SCFD2: variants seen among roughly 807,000 people sequenced by gnomAD.
The protein encoded by SCFD2 is sec1 family domain containing 2.
SCFD2 carries 54 observed loss-of-function variants against 58.9 expected under a neutral mutation model. The observed-to-expected ratio is 0.92, with a 90% CI of 0.74 to 1.15. The LOEUF is 1.15. Among genes scored for constraint, SCFD2 ranks in the 50% most tolerant of loss-of-function variants. The pLI is 0.00. For missense variants in SCFD2, 805 were observed against 836.6 expected (o/e 0.96, Z 0.47); for synonymous variants, 321 against 335.9 (o/e 0.96, Z 0.49).
At chr4:53,275,265 TTCTA>T (rs1462592641) in intron 3 of SCFD2, among the ~76,000 whole-genome samples, 2 of 152,148 alleles carry the variant, frequency 1.3e-5, no homozygotes, top group Non-Finnish European at 2.9e-5. Flanking sequence ...CAACATATCT[TTCTA>T]TCTTTTCATT....
chr4:52,960,649 G>A (rs893519529), intron 5 of SCFD2, among the ~76,000 whole-genome samples: 5 of 151,956 alleles, frequency 3.3e-5, no homozygotes, highest in Non-Finnish European at 5.9e-5. Flanking sequence ...GATTACAGGC[G>A]TGAGCCACCG....
chr4:53,295,620 A>C (rs749085698), intron 3 of SCFD2, among the ~76,000 whole-genome samples: 2 of 151,942 alleles, frequency 1.3e-5, no homozygotes, highest in Non-Finnish European at 2.9e-5. Flanking sequence ...CTAATTGAAC[A>C]CCTTTATTTC....
At chr4:53,189,155 A>C (rs1279531695) in intron 4 of SCFD2, among the ~76,000 whole-genome samples, 1 of 152,234 alleles carries the variant, frequency 6.6e-6, no homozygotes, top group Non-Finnish European at 1.5e-5. Flanking sequence ...TTCATGCTGA[A>C]AGAATGTAAG....
At chr4:53,292,329 T>C (rs899157390) in intron 3 of SCFD2, among the ~76,000 whole-genome samples, 2 of 152,094 alleles carry the variant, frequency 1.3e-5, no homozygotes, top group African/African-American at 4.8e-5. Context: ...ATACAGAGTC[T>C]ACAAGGATAT....
chr4:53,184,212 G>A (rs1577816361), intron 4 of SCFD2, among the ~76,000 whole-genome samples: 1 of 152,098 alleles, frequency 6.6e-6, no homozygotes, highest in South Asian at 2.1e-4. Flanking sequence ...CTTGGCACAT[G>A]GTTACCTAGG....
chr4:53,198,598 T>G (rs1409567212), intron 4 of SCFD2, among the ~76,000 whole-genome samples: 1 of 152,072 alleles, frequency 6.6e-6, no homozygotes, highest in Non-Finnish European at 1.5e-5. Flanking sequence ...CATTATACTC[T>G]CTCTACTTGT....
intron 4 of SCFD2, among the ~76,000 whole-genome samples, chr4:53,177,964 C>T (rs1382510523): frequency 6.6e-5 from 10 of 152,284 alleles, no homozygotes; most frequent in South Asian, 4.2e-4. Context: ...GAGGGGCGCC[C>T]GCCATTTTCG....
chr4:53,120,283 A>T (rs1190944355), intron 5 of SCFD2, among the ~76,000 whole-genome samples: 1 of 152,198 alleles, frequency 6.6e-6, no homozygotes, highest in African/African-American at 2.4e-5. Context: ...TGCTATCATT[A>T]CTACCACCAG....
intron 5 of SCFD2, among the ~76,000 whole-genome samples, chr4:53,131,618 A>G (rs1025871347): frequency 3.3e-5 from 5 of 152,236 alleles, no homozygotes; most frequent in African/African-American, 1.2e-4. Flanking sequence ...GAGATCTTAG[A>G]TTTGTCTAAA....
At chr4:53,361,785 T>C (rs1355177659) in intron 1 of SCFD2, among the ~76,000 whole-genome samples, 5 of 152,214 alleles carry the variant, frequency 3.3e-5, no homozygotes, top group African/African-American at 9.7e-5. Flanking sequence ...TGCCAAATCT[T>C]AGACTATTCA....
chr4:52,909,742 T>C (rs1560478059), intron 6 of SCFD2, among the ~76,000 whole-genome samples: 1 of 152,200 alleles, frequency 6.6e-6, no homozygotes, highest in Non-Finnish European at 1.5e-5. Flanking sequence ...CAAAATGTTA[T>C]TTAGGGTTAT....
At chr4:53,182,152 C>T (rs1357381837) in intron 4 of SCFD2, among the ~76,000 whole-genome samples, 1 of 152,188 alleles carries the variant, frequency 6.6e-6, no homozygotes, top group Non-Finnish European at 1.5e-5. Context: ...GAAAAAACTA[C>T]TTTAAAGTTC....
At chr4:53,246,546 G>A (rs752335699) in intron 4 of SCFD2, among the ~76,000 whole-genome samples, 3 of 152,018 alleles carry the variant, frequency 2.0e-5, no homozygotes, top group African/African-American at 4.8e-5. Context: ...AAGGCTGCAC[G>A]CCTGTGACCA....
intron 5 of SCFD2, among the ~76,000 whole-genome samples, chr4:52,947,704 G>C (rs73144941): frequency 0.015 from 2,293 of 151,228 alleles, 75 homozygotes; most frequent in African/African-American, 0.053. Context: ...AGCAAATGGT[G>C]TTCGCAAAAA....
In SCFD2 at chr4:52,885,765, C is replaced by T. The variant is rs2306600; in HGVS notation, c.1944G>A (p.Ser648=). The part of the protein sequence containing the change: ...EVKMVKDLVA[S]LKPGTQVIVL... Reference sequence around the variant, plus strand: ...TCAGTACCTGGGTTCCTGGCTTCAACGATGCCACAAGATCTTTGACCATTT... The same window carrying T: ...TCAGTACCTGGGTTCCTGGCTTCAATGATGCCACAAGATCTTTGACCATTT... Residue 648 remains serine, a synonymous_variant, in exon 8 of 9, where the codon TCG becomes TCA. Transcript: ENST00000401642. 178,610 of 1,613,560 alleles carry T rather than the reference C, an allele frequency of 0.11. 11,139 individuals are homozygous for T. The highest frequency in any genetic ancestry group is 0.28 in the East Asian group (12,469 of 44,842).
chr4:53,047,757 A>G (rs1352865285), intron 5 of SCFD2, among the ~76,000 whole-genome samples: 1 of 152,152 alleles, frequency 6.6e-6, no homozygotes, highest in African/African-American at 2.4e-5. Context: ...TCTTCCCCCA[A>G]ACTCCAAGGT....
intron 3 of SCFD2, among the ~76,000 whole-genome samples, chr4:53,299,882 C>A (rs138845689): frequency 0.016 from 2,440 of 152,268 alleles, 72 homozygotes; most frequent in African/African-American, 0.056. Flanking sequence ...AAATCCTTTA[C>A]ACACAAGCAA....
At chr4:53,071,788 A>G (rs1344919283) in intron 5 of SCFD2, among the ~76,000 whole-genome samples, 1 of 152,196 alleles carries the variant, frequency 6.6e-6, no homozygotes, top group Non-Finnish European at 1.5e-5. Context: ...AGGCAAATGT[A>G]TGCGACTTAA....
intron 5 of SCFD2, among the ~76,000 whole-genome samples, chr4:53,017,242 G>T (rs1722237126): frequency 6.6e-6 from 1 of 152,196 alleles, no homozygotes; most frequent in Admixed American, 6.5e-5. Context: ...TTATCCAGGG[G>T]TGGAGGTAGT....
Sources: gnomAD v4.1 joint callset for allele counts (sites outside exome capture counted in the v4.1 genomes callset) on GRCh38, gnomAD v4.1.1 for gene constraint, MANE v1.5 for transcripts, NCBI Gene and HGNC (gene_info 2026-07-23, HGNC 2026-07-21) for gene names.